GLIS3: variants seen among roughly 807,000 people sequenced by gnomAD.
GLIS3 encodes GLIS family zinc finger 3, also known as zinc finger protein GLIS3.
GLIS3 carries 53 observed loss-of-function variants against 78.6 expected under a neutral mutation model. The observed-to-expected ratio is 0.67, with a 90% confidence interval of 0.54 to 0.85. The LOEUF is 0.85. GLIS3 is among the 40% of genes least tolerant of loss of function. GLIS3 has a pLI of 0.00. For missense variants in GLIS3, 1,703 were observed against 1,231.1 expected (o/e 1.38, Z -5.74); for synonymous variants, 684 against 509.9 (o/e 1.34, Z -4.60).
chr9:4,378,171 T>C, the GLIS3 span, among the ~76,000 whole-genome samples: 1 of 152,154 alleles, frequency 6.6e-6, no homozygotes, highest in Non-Finnish European at 1.5e-5. Flanking sequence ...ATTATGAAAG[T>C]AATTTTAATG....
intron 2 of GLIS3, among the ~76,000 whole-genome samples, chr9:4,262,271 C>A (rs188481543): frequency 6.6e-6 from 1 of 152,216 alleles, no homozygotes; most frequent in East Asian, 1.9e-4. Flanking sequence ...GGTAAAAATC[C>A]TCATTTGAGA....
At chr9:4,102,338 T>C (rs1830432684) in intron 4 of GLIS3, among the ~76,000 whole-genome samples, 1 of 152,180 alleles carries the variant, frequency 6.6e-6, no homozygotes, top group Non-Finnish European at 1.5e-5. Context: ...CTAAGCGAAG[T>C]GGTTTTTTAA....
intron 2 of GLIS3, among the ~76,000 whole-genome samples, chr9:4,153,672 T>C (rs1357342643): frequency 6.6e-6 from 1 of 152,210 alleles, no homozygotes; most frequent in Non-Finnish European, 1.5e-5. Context: ...AGTTTGCATA[T>C]TATTGCTTTA....
At chr9:4,408,066 A>G in the GLIS3 span, among the ~76,000 whole-genome samples, 1 of 152,194 alleles carries the variant, frequency 6.6e-6, no homozygotes, top group Non-Finnish European at 1.5e-5. Context: ...CCACAAGGAG[A>G]TATCGTATGA....
At chr9:4,362,083 A>G in the GLIS3 span, among the ~76,000 whole-genome samples, 1 of 152,242 alleles carries the variant, frequency 6.6e-6, no homozygotes, top group Non-Finnish European at 1.5e-5. Context: ...TGGATCACTA[A>G]AGGGTGCTCA....
At chr9:4,053,036 C>T (rs1825850043) in intron 4 of GLIS3, among the ~76,000 whole-genome samples, 1 of 152,166 alleles carries the variant, frequency 6.6e-6, no homozygotes, top group Non-Finnish European at 1.5e-5. Flanking sequence ...CAATCTCTGC[C>T]TCCTAAGTTC....
At chr9:4,265,538 G>A (rs564033748) in intron 2 of GLIS3, among the ~76,000 whole-genome samples, 2 of 152,192 alleles carry the variant, frequency 1.3e-5, no homozygotes, top group African/African-American at 2.4e-5. Flanking sequence ...TCCAGAAAGT[G>A]GGATGATCAA....
At chr9:4,179,053 G>C (rs1441045852) in intron 2 of GLIS3, among the ~76,000 whole-genome samples, 1 of 152,154 alleles carries the variant, frequency 6.6e-6, no homozygotes, top group Admixed American at 6.5e-5. Context: ...ATCACAAAAA[G>C]TCACACTTCA....
At chr9:4,257,954 C>A (rs59876168) in intron 2 of GLIS3, among the ~76,000 whole-genome samples, 4,778 of 152,130 alleles carry the variant, frequency 0.031, 228 homozygotes, top group African/African-American at 0.11. Flanking sequence ...ACATTTATAT[C>A]TAATTTGAAG....
rs574782850 is a variant in GLIS3 at position 3,828,549 on chromosome 9, T to C, written c.2657-141A>G. 8.4e-6 allele frequency: 9 copies of C among 1,066,108 alleles called. No homozygotes were observed. The East Asian group carries it at 2.3e-4, about 27-fold the overall frequency. The allele number at this position is 1,066,108 out of a possible 1,614,324, so 66.0% of individuals were successfully genotyped here. On this transcript the variant is annotated intron_variant, in intron 10 of 10. Transcript: ENST00000381971. The stretch of plus-strand genomic sequence containing the variant: ...ATGCCAGCCTGGGCCCTATAGTGAG[T>C]CTCTGTTTCCAGCGACCTTAGTGAG...
the GLIS3 span, among the ~76,000 whole-genome samples, chr9:4,364,475 G>A: frequency 6.6e-6 from 1 of 152,070 alleles, no homozygotes; most frequent in Non-Finnish European, 1.5e-5. Context: ...GGAATTGTAT[G>A]CTACCAATTA....
intron 4 of GLIS3, among the ~76,000 whole-genome samples, chr9:3,951,841 AACACACAC>A (rs3061609): frequency 9.7e-4 from 127 of 130,614 alleles, no homozygotes; most frequent in East Asian, 1.9e-3. Flanking sequence ...AATAAGCATG[AACACACAC>A]ACACACACAC....
In GLIS3 at chr9:3,829,473, C is replaced by A. The variant is rs753171367; in HGVS notation, c.2493G>T (p.Gln831His). 10 of 1,613,986 alleles carry A rather than the reference C, an allele frequency of 6.2e-6. No homozygotes were observed. Among genetic ancestry groups the A allele is most frequent in the Non-Finnish European group, 8.5e-6 (10 of 1,180,006 alleles). The change falls in exon 10 of 11, where the codon CAG (glutamine) becomes CAT (histidine). Residue 831 changes from glutamine to histidine, a missense_variant. Coordinates refer to ENST00000381971, the MANE Select transcript of GLIS3 (RefSeq NM_001042413.2). ...IHVHGFYGQL[Q>H]KFCPPHYPDS... ...CGGGGTAGTGTGGGGGACAGAACTTCTGCAGCTGCCCATAAAATCCTGAAA... is the reference window on the plus strand; with the variant it reads ...CGGGGTAGTGTGGGGGACAGAACTTATGCAGCTGCCCATAAAATCCTGAAA...
intron 4 of GLIS3, among the ~76,000 whole-genome samples, chr9:4,048,178 T>C (rs887626053): frequency 1.4e-4 from 21 of 152,198 alleles, no homozygotes; most frequent in African/African-American, 5.1e-4. Flanking sequence ...TAATGACCTT[T>C]TAGAAAATTT....
At chr9:4,486,373 C>T in the GLIS3 span, among the ~76,000 whole-genome samples, 5 of 152,204 alleles carry the variant, frequency 3.3e-5, no homozygotes, top group Middle Eastern at 3.4e-3. Flanking sequence ...CACACCTGAA[C>T]ACTTTCACTA....
In GLIS3 at chr9:4,011,519, T is replaced by C. The variant is rs138189216; in HGVS notation, c.1711-74330A>G. Among the ~76,000 whole-genome samples the C allele has an allele frequency of 1.0e-2, 1,516 of 152,302 alleles. 29 individuals carry two copies. The highest frequency in any genetic ancestry group is 0.034 in the African/African-American group (1,424 of 41,548). On this transcript the variant is annotated intron_variant, in intron 4 of 10. Transcript: ENST00000381971. The stretch of plus-strand genomic sequence containing the variant: ...GTGGTGTGCACGGTACCCTCATTGA[T>C]TCACAGAGATGTACGGGCAGCCCAT...
chr9:3,956,028 C>CAAAAAAAAAAAAAA (rs5896037), intron 4 of GLIS3, among the ~76,000 whole-genome samples: 25 of 87,628 alleles, frequency 2.9e-4, no homozygotes, highest in African/African-American at 7.0e-4. Context: ...CCAGATTCAG[C>CAAAAAAAAAAAAAA]AAAAAAAAAA....
the GLIS3 span, among the ~76,000 whole-genome samples, chr9:4,477,228 C>T: frequency 2.0e-5 from 3 of 151,958 alleles, no homozygotes; most frequent in Non-Finnish European, 4.4e-5. Flanking sequence ...CAATCTTAGC[C>T]TTACAAAGGA....
chr9:4,116,543 G>A (rs759291332), intron 4 of GLIS3, among the ~76,000 whole-genome samples: 1 of 152,104 alleles, frequency 6.6e-6, no homozygotes, highest in African/African-American at 2.4e-5. Context: ...ATACCTACCG[G>A]GCAGTGAAAA....
Sources: gnomAD v4.1 joint callset for allele counts (sites outside exome capture counted in the v4.1 genomes callset) on GRCh38, gnomAD v4.1.1 for gene constraint, MANE v1.5 for transcripts, NCBI Gene and HGNC (gene_info 2026-07-23, HGNC 2026-07-21) for gene names.